Variants in NELL2 observed in about 807,000 individuals in gnomAD.
NELL2 encodes protein kinase C-binding protein NELL2.
NELL2 carries 41 observed loss-of-function variants against 109.6 expected under a neutral mutation model. The ratio of observed to expected loss-of-function variants is 0.37; its 90% confidence interval spans 0.29 to 0.49. The LOEUF (loss-of-function observed/expected upper bound fraction) is 0.49, where lower values mean the gene tolerates loss of function less well. Among genes scored for constraint, NELL2 ranks in the 20% least tolerant of loss-of-function variants. The pLI is 0.98. For synonymous variants in NELL2, 355 were observed against 344.7 expected (o/e 1.03, Z -0.33); for missense variants, 900 against 1,008.3 (o/e 0.89, Z 1.45).
intron 12 of NELL2, among the ~76,000 whole-genome samples, chr12:44,700,274 G>A (rs1381231482): frequency 1.3e-5 from 2 of 152,250 alleles, no homozygotes; most frequent in Admixed American, 6.5e-5. Context: ...ACTGGCTTTC[G>A]TCCATTGGTT....
intron 12 of NELL2, among the ~76,000 whole-genome samples, chr12:44,693,844 A>G (rs891782952): frequency 3.9e-5 from 6 of 152,162 alleles, no homozygotes; most frequent in Non-Finnish European, 8.8e-5. Context: ...AAATAAATCC[A>G]TTATTTCCTC....
intron 12 of NELL2, among the ~76,000 whole-genome samples, chr12:44,671,562 C>G (rs566927841): frequency 6.6e-6 from 1 of 151,970 alleles, no homozygotes; most frequent in African/African-American, 2.4e-5. Flanking sequence ...GAGAGAAGAC[C>G]AGATAAACAA....
chr12:44,650,298 A>C (rs1239821413), intron 13 of NELL2, among the ~76,000 whole-genome samples: 1 of 99,878 alleles, frequency 1.0e-5, no homozygotes, highest in African/African-American at 4.7e-5. Flanking sequence ...TCCACCCCCC[A>C]ATTTTTTTTT....
At chr12:44,595,851 C>T (rs968733302) in intron 15 of NELL2, among the ~76,000 whole-genome samples, 14 of 152,100 alleles carry the variant, frequency 9.2e-5, no homozygotes, top group African/African-American at 3.1e-4. Context: ...GCAATGGAAA[C>T]TTTGTCTAAC....
chr12:44,695,012 C>T (rs1203891736), intron 12 of NELL2, among the ~76,000 whole-genome samples: 1 of 141,162 alleles, frequency 7.1e-6, no homozygotes, highest in Non-Finnish European at 1.5e-5. Context: ...AGAAAGGAGG[C>T]CAAAGGGGTA....
chr12:44,571,006 T>C (rs2136195427), intron 15 of NELL2, among the ~76,000 whole-genome samples: 1 of 152,250 alleles, frequency 6.6e-6, no homozygotes, highest in South Asian at 2.1e-4. Context: ...GGAATCAAGG[T>C]CAGAACAACC....
At chr12:44,676,440 CT>C (rs1236178203) in intron 12 of NELL2, among the ~76,000 whole-genome samples, 1 of 152,034 alleles carries the variant, frequency 6.6e-6, no homozygotes, top group African/African-American at 2.4e-5. Flanking sequence ...CTATCATATG[CT>C]TTAAAGTCAG....
At chr12:44,859,414 G>T (rs948542281) in intron 2 of NELL2, among the ~76,000 whole-genome samples, 9 of 152,148 alleles carry the variant, frequency 5.9e-5, no homozygotes, top group African/African-American at 1.7e-4. Flanking sequence ...AACGGCAGGT[G>T]CCTGGAATCC....
intron 9 of NELL2, among the ~76,000 whole-genome samples, chr12:44,714,975 C>G (rs1332919222): frequency 6.6e-6 from 1 of 151,806 alleles, no homozygotes; most frequent in Non-Finnish European, 1.5e-5. Context: ...AATGACATGT[C>G]TGAATTAGAC....
chr12:44,680,481 A>T (rs999699778), intron 12 of NELL2, among the ~76,000 whole-genome samples: 9 of 152,326 alleles, frequency 5.9e-5, no homozygotes, highest in African/African-American at 1.9e-4. Context: ...GGAAATTTAA[A>T]AATGTAATTA....
chr12:44,748,658 C>A (rs1168019547), intron 9 of NELL2, among the ~76,000 whole-genome samples: 3 of 152,078 alleles, frequency 2.0e-5, no homozygotes, highest in Non-Finnish European at 4.4e-5. Context: ...AAATTAAATA[C>A]TTTGCTTATT....
chr12:44,811,016 G>T (rs920729358), intron 3 of NELL2, among the ~76,000 whole-genome samples: 7 of 152,050 alleles, frequency 4.6e-5, no homozygotes, highest in Non-Finnish European at 1.0e-4. Flanking sequence ...ATGAGTTCAT[G>T]TCCTTTGCAG....
intron 9 of NELL2, among the ~76,000 whole-genome samples, chr12:44,766,239 T>C (rs1469241495): frequency 6.6e-6 from 1 of 152,202 alleles, no homozygotes; most frequent in African/African-American, 2.4e-5. Flanking sequence ...CTTTATACCA[T>C]TTATAAATAT....
intron 12 of NELL2, among the ~76,000 whole-genome samples, chr12:44,679,579 C>G (rs1320993012): frequency 1.3e-5 from 2 of 152,124 alleles, no homozygotes; most frequent in African/African-American, 2.4e-5. Context: ...TTCACAGCCA[C>G]AGAACCTTTG....
At chr12:44,760,126 T>C (rs553602355) in intron 9 of NELL2, among the ~76,000 whole-genome samples, 1 of 152,314 alleles carries the variant, frequency 6.6e-6, no homozygotes, top group African/African-American at 2.4e-5. Context: ...GTGGATTTCA[T>C]TTCCTTATCA....
At chr12:44,564,218 A>G (rs969869973) in intron 15 of NELL2, among the ~76,000 whole-genome samples, 2 of 152,212 alleles carry the variant, frequency 1.3e-5, no homozygotes, top group Non-Finnish European at 2.9e-5. Context: ...GGGGAATGCT[A>G]TTAATATATT....
chr12:44,799,029 G>A (rs1942736216), intron 3 of NELL2, among the ~76,000 whole-genome samples: 1 of 137,916 alleles, frequency 7.3e-6, no homozygotes, highest in Non-Finnish European at 1.5e-5. Context: ...CAGGATCTTG[G>A]CTCACTGCAA....
At chr12:44,899,268 A>G (rs1945631507) in intron 1 of NELL2, among the ~76,000 whole-genome samples, 1 of 152,196 alleles carries the variant, frequency 6.6e-6, no homozygotes, top group African/African-American at 2.4e-5. Flanking sequence ...AGAGAACACC[A>G]TAATGATACT....
intron 15 of NELL2, among the ~76,000 whole-genome samples, chr12:44,553,772 T>A (rs1726895986): frequency 6.6e-6 from 1 of 152,142 alleles, no homozygotes; most frequent in Admixed American, 6.5e-5. Flanking sequence ...AATCATAAAG[T>A]AATACCACGG....
Sources: gnomAD v4.1 joint callset for allele counts (sites outside exome capture counted in the v4.1 genomes callset) on GRCh38, gnomAD v4.1.1 for gene constraint, MANE v1.5 for transcripts, NCBI Gene and HGNC (gene_info 2026-07-23, HGNC 2026-07-21) for gene names.